PRDM13: variants seen among roughly 807,000 people sequenced by gnomAD.
PRDM13 encodes PR/SET domain 13.
Under a neutral mutation model 36.4 loss-of-function variants are expected in PRDM13, and 15 were observed. That is an observed-to-expected ratio of 0.41 (90% CI 0.28 to 0.64). The LOEUF (loss-of-function observed/expected upper bound fraction) is 0.64. PRDM13 is among the 30% of genes least tolerant of loss of function. The probability of loss-of-function intolerance (pLI) is 0.29; values close to 1 mark genes in which losing one functional copy is unlikely to be tolerated. For synonymous variants in PRDM13, 531 were observed against 467.7 expected (o/e 1.14, Z -1.75); for missense variants, 1,044 against 1,013.5 (o/e 1.03, Z -0.41).
chr6:99,608,668 G>C (rs987329816), intron 1 of PRDM13, 73 bp from the exon 2 acceptor site: 5 of 1,528,764 alleles, frequency 3.3e-6, no homozygotes, highest in Non-Finnish European at 4.4e-6. Context: ...GGTTGGGGTG[G>C]AGGATAAACT....
chr6:99,613,543 C>A lies in PRDM13; in HGVS notation c.908C>A (p.Ala303Glu). The A allele has an allele frequency of 1.3e-6, 2 of 1,493,712 alleles. No individual in the cohort carries two copies. The highest frequency in any genetic ancestry group is 2.6e-5 in the East Asian group (1 of 37,750). The allele number at this position is 1,493,712 out of a possible 1,614,324, so 92.5% of individuals were successfully genotyped here. A position where few individuals can be genotyped will look rare whatever the true frequency, so the allele number is the denominator to read the frequency against. Residue 303 changes from alanine (A) to glutamate (E), a missense_variant, in exon 4 of 4, where the codon GCG becomes GAG. Physicochemically the swap from Ala to Glu is moderately radical, Grantham distance 107. Transcript: ENST00000369215. The surrounding 1 kb of genome is among the most constrained non-coding windows in gnomAD (Gnocchi z 6.1). Reference protein sequence around the residue: ...SAFKPAGLARAAAAAHGDPYR... With the variant: ...SAFKPAGLAREAAAAHGDPYR... ...TTCAAGCCCGCCGGCCTAGCGAGGG[C>A]GGCGGCGGCCGCTCACGGCGACCCC...
In PRDM13 at chr6:99,613,522, A is replaced by G; in HGVS notation, c.887A>G (p.Lys296Arg). 6.7e-7 allele frequency: 1 copy of G among 1,502,266 alleles called. No individual in the cohort carries two copies. The highest frequency in any genetic ancestry group is 2.6e-5 in the East Asian group (1 of 38,638). The allele number at this position is 1,502,266 out of a possible 1,614,324, so 93.1% of individuals were successfully genotyped here. The change falls in exon 4 of 4, where the codon AAG becomes AGG. Residue 296 changes from lysine (K) to arginine (R), a missense_variant. Lys to Arg is a conservative substitution (Grantham distance 26). Transcript: ENST00000369215. The surrounding 1 kb of genome is among the most constrained non-coding windows in gnomAD (Gnocchi z 6.1). ...AFYPGVRSAFKPAGLARAAAA... is the reference protein window; with the variant it reads ...AFYPGVRSAFRPAGLARAAAA... ...TACCCCGGCGTGCGCTCAGCTTTCA[A>G]GCCCGCCGGCCTAGCGAGGGCGGCG... is the stretch of plus-strand genomic sequence containing the variant.
At chr6:99,608,702 C>T (rs762130186) in intron 1 of PRDM13, 39 bp from the exon 2 acceptor site, 2 of 1,564,188 alleles carry the variant, frequency 1.3e-6, no homozygotes, top group Admixed American at 1.9e-5. Context: ...GTGGGCCTGG[C>T]CAAGGTGCGG....
chr6:99,607,272 T>C (rs962082813), intron 1 of PRDM13, 94 bp downstream of exon 1: 285 of 1,534,240 alleles, frequency 1.9e-4, no homozygotes, highest in Middle Eastern at 1.4e-3. Context: ...AAGGGAGTGA[T>C]TGAGTCGTTA....
rs1404287511 is a variant in PRDM13, at chr6:99,613,163, G to A, written c.528G>A (p.Ala176=). The stretch of plus-strand genomic sequence containing the variant: ...GCGCCTTCCTGCACCACGAACACGC[G>A]GCTCGCCAAGGCGCCGTCCCAGCGG... ...GGGAFLHHEH[A]ARQGAVPAAD... Residue 176 remains alanine, a synonymous_variant, in exon 4 of 4, where the codon GCG becomes GCA. Coordinates refer to ENST00000369215, the MANE Select transcript of PRDM13 (RefSeq NM_021620.4). This position sits in a 1 kb window ranked among gnomAD's most constrained non-coding sequence, Gnocchi z 6.1. The A allele has an allele frequency of 6.2e-7, 1 of 1,612,730 alleles. No homozygotes were observed. Among genetic ancestry groups the A allele is most frequent in the African/African-American group, 1.3e-5 (1 of 74,896 alleles).
chr6:99,610,836 A>C (rs1372909795), intron 3 of PRDM13, among the ~76,000 whole-genome samples: 3 of 152,218 alleles, frequency 2.0e-5, no homozygotes, highest in Non-Finnish European at 4.4e-5. Context: ...GGTAGTCCCA[A>C]ATAGTACAAA....
intron 2 of PRDM13, 62 bp from the exon 3 acceptor site, chr6:99,609,125 A>T: frequency 6.3e-7 from 1 of 1,579,246 alleles, no homozygotes; most frequent in Non-Finnish European, 8.7e-7. Context: ...CTTTCTTCTC[A>T]GTTGCTTTTT....
At chr6:99,608,943 T>A in intron 2 of PRDM13, 71 bp downstream of exon 2, 1 of 1,540,702 alleles carries the variant, frequency 6.5e-7, no homozygotes, top group East Asian at 2.3e-5. Context: ...GTCCCTGCGG[T>A]GGCCAAAAAT....
At position 99,613,210 on chromosome 6, in the gene PRDM13, C is replaced by T; in HGVS notation, c.575C>T (p.Pro192Leu). 6.2e-7 allele frequency: 1 copy of T among 1,612,222 alleles called. No homozygotes were observed. Among genetic ancestry groups the T allele is most frequent in the Non-Finnish European group, 8.5e-7 (1 of 1,179,750 alleles). ...GCGGCTGATGGCCTCGGTCTCTCCC[C>T]AAAACCCCCGGCGCCCGATTTCGCC... is the stretch of plus-strand genomic sequence containing the variant. ...VPAADGLGLS[P>L]KPPAPDFAAP... The change falls in exon 4 of 4, where the codon CCA becomes CTA. Residue 192 changes from proline to leucine, a missense_variant. Physicochemically the swap from Pro to Leu is moderately conservative, Grantham distance 98. Around this residue, in one of 3 missense-constraint regions of PRDM13, gnomAD observed 921 missense variants for 865.2 expected, o/e 1.06. Transcript: ENST00000369215. The surrounding 1 kb of genome is among the most constrained non-coding windows in gnomAD (Gnocchi z 6.1).
chr6:99,614,248 G>A lies in PRDM13; in HGVS notation c.1613G>A (p.Arg538His). 1.9e-6 allele frequency: 3 copies of A among 1,609,180 alleles called. No homozygotes were observed. Among genetic ancestry groups the A allele is most frequent in the Non-Finnish European group, 1.7e-6 (2 of 1,178,692 alleles). ...TCCGAGATGGCTGCCGGGAAGGGTC[G>A]CGGACGCCTGGACTCGGGGACGTTG... Reference protein sequence around the residue: ...QLSEMAAGKGRGRLDSGTLPP... With the variant: ...QLSEMAAGKGHGRLDSGTLPP... The change falls in exon 4 of 4, where the codon CGC becomes CAC. Residue 538 changes from arginine (R) to histidine (H), a missense_variant. By Grantham distance (29) the Arg-to-His change is conservative. This residue lies in a region of PRDM13 where 921 missense variants were observed against 865.2 expected (regional missense o/e 1.06). Coordinates refer to ENST00000369215, the MANE Select transcript of PRDM13 (RefSeq NM_021620.4).
intron 3 of PRDM13, among the ~76,000 whole-genome samples, chr6:99,610,635 T>C (rs9484097): frequency 0.03 from 4,609 of 152,344 alleles, 271 homozygotes; most frequent in African/African-American, 0.11. Context: ...GTAGGTATAG[T>C]ATTCAAATTA....
chr6:99,610,093 G>C (rs1057320038), intron 3 of PRDM13, among the ~76,000 whole-genome samples: 4 of 152,120 alleles, frequency 2.6e-5, no homozygotes, highest in Non-Finnish European at 5.9e-5. Flanking sequence ...CAGTTGGCAG[G>C]TACTGAGACC....
intron 3 of PRDM13, 45 bp downstream of exon 3, chr6:99,609,352 C>A: frequency 3.1e-6 from 5 of 1,602,242 alleles, no homozygotes; most frequent in Non-Finnish European, 4.3e-6. Flanking sequence ...CAGCCCTCCT[C>A]CTCCTGTCTT....
rs762724559 is a variant in PRDM13 at position 99,614,198 on chromosome 6, G to A, written c.1563G>A (p.Glu521=). Reference sequence around the variant, plus strand: ...GGTCGCTGGCCAGCATCGACCGAGAGATCGCCATGCACAATCAGCAGCTGT... The same window carrying A: ...GGTCGCTGGCCAGCATCGACCGAGAAATCGCCATGCACAATCAGCAGCTGT... ...ELGSLASIDR[E]IAMHNQQLSE... is the part of the protein sequence containing the mutation. The change falls in exon 4 of 4, where the codon GAG becomes GAA. Residue 521 remains glutamate, a synonymous_variant. Coordinates refer to ENST00000369215, the MANE Select transcript of PRDM13 (RefSeq NM_021620.4). The A allele has an allele frequency of 1.3e-5, 21 of 1,606,610 alleles. No individual in the cohort carries two copies. Among genetic ancestry groups the A allele is most frequent in the Non-Finnish European group, 1.7e-5 (20 of 1,178,500 alleles).
In PRDM13 at chr6:99,613,371, G is replaced by A; in HGVS notation, c.736G>A (p.Gly246Arg). The change falls in exon 4 of 4, where the codon GGG (glycine) becomes AGG (arginine). Residue 246 changes from glycine to arginine, a missense_variant. Transcript: ENST00000369215. The surrounding 1 kb of genome is among the most constrained non-coding windows in gnomAD (Gnocchi z 6.1). The part of the protein sequence containing the change: ...SATSPTPGKW[G>R]QPKKGKEQLD... ...CACCTCGCCGACCCCAGGCAAGTGGGGGCAGCCCAAGAAGGGCAAGGAGCA... is the reference window on the plus strand; with the variant it reads ...CACCTCGCCGACCCCAGGCAAGTGGAGGCAGCCCAAGAAGGGCAAGGAGCA... 1 of 1,550,684 alleles carries A rather than the reference G, an allele frequency of 6.4e-7. No homozygotes were observed. Among genetic ancestry groups the A allele is most frequent in the African/African-American group, 1.4e-5 (1 of 73,736 alleles).
chr6:99,613,307 G>C lies in PRDM13; in HGVS notation c.672G>C (p.Arg224=). ...GPPPVQACGA[R]EGIKREASSA... ...CACCAGTTCAGGCCTGCGGTGCGCG[G>C]GAGGGCATCAAGCGCGAGGCCTCTT... The change falls in exon 4 of 4, where the codon CGG becomes CGC. Residue 224 remains arginine, a synonymous_variant. Transcript: ENST00000369215. The surrounding 1 kb of genome is among the most constrained non-coding windows in gnomAD (Gnocchi z 6.1). The C allele has an allele frequency of 6.4e-7, 1 of 1,570,368 alleles. No individual in the cohort carries two copies. The highest frequency in any genetic ancestry group is 8.6e-7 in the Non-Finnish European group (1 of 1,160,762).
intron 2 of PRDM13, 41 bp downstream of exon 2, chr6:99,608,913 C>T: frequency 6.3e-7 from 1 of 1,589,858 alleles, no homozygotes. Flanking sequence ...CTCCCCACCG[C>T]CAATTCAGTC....
chr6:99,613,373 G>A lies in PRDM13; in HGVS notation c.738G>A (p.Gly246=). 3 of 1,550,604 alleles carry A rather than the reference G, an allele frequency of 1.9e-6. No homozygotes were observed. Among genetic ancestry groups the A allele is most frequent in the Admixed American group, 1.9e-5 (1 of 52,740 alleles). ...CCTCGCCGACCCCAGGCAAGTGGGG[G>A]CAGCCCAAGAAGGGCAAGGAGCAGC... ...SATSPTPGKW[G]QPKKGKEQLD... The change falls in exon 4 of 4, where the codon GGG becomes GGA. Residue 246 remains glycine, a synonymous_variant. Coordinates refer to ENST00000369215, the MANE Select transcript of PRDM13 (RefSeq NM_021620.4). The surrounding 1 kb of genome is among the most constrained non-coding windows in gnomAD (Gnocchi z 6.1).
rs1273259813 is a variant in PRDM13 at position 99,614,154 on chromosome 6, C to G, written c.1519C>G (p.Leu507Val). ...SYFSGPAAAA[L>V]SPAELGSLAS... ...CTTCAGCGGGCCTGCAGCGGCCGCC[C>G]TAAGCCCCGCCGAGCTGGGGTCGCT... The change falls in exon 4 of 4, where the codon CTA becomes GTA. Residue 507 changes from leucine to valine, a missense_variant. This residue lies in a region of PRDM13 where 921 missense variants were observed against 865.2 expected (regional missense o/e 1.06). Transcript: ENST00000369215. The G allele has an allele frequency of 6.2e-7, 1 of 1,600,786 alleles. No individual in the cohort carries two copies. The highest frequency in any genetic ancestry group is 8.5e-7 in the Non-Finnish European group (1 of 1,176,166).
Sources: gnomAD v4.1 joint callset for allele counts (sites outside exome capture counted in the v4.1 genomes callset) on GRCh38, gnomAD v4.1.1 for gene constraint, gnomAD v4.1.1 regional missense constraint, Gnocchi (gnomAD v3.1) non-coding constraint, MANE v1.5 for transcripts, NCBI Gene and HGNC (gene_info 2026-07-23, HGNC 2026-07-21) for gene names.